KCNT2: variants seen among roughly 807,000 people sequenced by gnomAD.
The protein encoded by KCNT2 is potassium channel subfamily T member 2.
Under a neutral mutation model 153.8 loss-of-function variants are expected in KCNT2, and 67 were observed. The ratio of observed to expected loss-of-function variants is 0.44; its 90% CI spans 0.36 to 0.53. The LOEUF is 0.53. Among genes scored for constraint, KCNT2 ranks in the 20% least tolerant of loss-of-function variants. KCNT2 has a pLI of 0.00. For missense variants in KCNT2, 975 were observed against 1,354.8 expected, an observed-to-expected ratio of 0.72 and a Z score of 4.40; for synonymous variants, 500 against 458.8, an observed-to-expected ratio of 1.09 and a Z score of -1.15.
chr1:196,314,012 A>G (rs530891207), intron 21 of KCNT2, among the ~76,000 whole-genome samples: 5 of 151,642 alleles, frequency 3.3e-5, no homozygotes, highest in Non-Finnish European at 5.9e-5. Flanking sequence ...AGAGTAACAT[A>G]GCCTTTGCAC....
intron 12 of KCNT2, among the ~76,000 whole-genome samples, chr1:196,419,968 T>A (rs998979869): frequency 1.3e-5 from 2 of 152,064 alleles, no homozygotes; most frequent in African/African-American, 4.8e-5. Context: ...TTTCATAATA[T>A]TCTACCCTAG....
chr1:196,520,980 G>A (rs145651049), intron 1 of KCNT2, among the ~76,000 whole-genome samples: 20 of 152,242 alleles, frequency 1.3e-4, no homozygotes, highest in African/African-American at 4.3e-4. Flanking sequence ...CTTCTGCTCA[G>A]CAAAATAAAC....
chr1:196,501,882 G>A (rs906765379), intron 1 of KCNT2, among the ~76,000 whole-genome samples: 2 of 152,186 alleles, frequency 1.3e-5, no homozygotes, highest in Admixed American at 6.5e-5. Context: ...ACTTTGGGAG[G>A]CCAAGGCAGG....
At chr1:196,586,558 C>T (rs932590681) in intron 1 of KCNT2, among the ~76,000 whole-genome samples, 2 of 151,928 alleles carry the variant, frequency 1.3e-5, no homozygotes, top group African/African-American at 4.8e-5. Flanking sequence ...AATAAGAGTA[C>T]CTGATTTATC....
At chr1:196,238,922 A>G (rs1017897322) in intron 26 of KCNT2, among the ~76,000 whole-genome samples, 1 of 151,882 alleles carries the variant, frequency 6.6e-6, no homozygotes, top group African/African-American at 2.4e-5. Flanking sequence ...TCTATTAGCC[A>G]TGATCCTGGA....
intron 25 of KCNT2, among the ~76,000 whole-genome samples, chr1:196,268,700 C>T (rs551300975): frequency 6.6e-6 from 1 of 152,066 alleles, no homozygotes; most frequent in East Asian, 1.9e-4. Flanking sequence ...GTTTATGCTC[C>T]TTATGCATGA....
intron 1 of KCNT2, among the ~76,000 whole-genome samples, chr1:196,509,321 T>A (rs1304230105): frequency 6.9e-6 from 1 of 145,926 alleles, no homozygotes; most frequent in African/African-American, 2.5e-5. Flanking sequence ...CAAATTTAAA[T>A]ATGAAACAGA....
rs563342799 is a variant in KCNT2, at chr1:196,548,844, C to T, written c.96-56503G>A. 6.8e-3 allele frequency among the ~76,000 whole-genome samples: 1,035 copies of T among 152,058 alleles called. 5 individuals carry two copies. The highest frequency in any genetic ancestry group is 0.011 in the Non-Finnish European group (780 of 67,960). ...GCAGCCATAAAAAATGAAGAGTTCA[C>T]GTCCTTTGTAGGAACATGGATGAAA... is the stretch of plus-strand genomic sequence containing the variant. On this transcript the variant is annotated intron_variant, in intron 1 of 27. Transcript: ENST00000294725.
chr1:196,570,270 T>C (rs1410010253), intron 1 of KCNT2, among the ~76,000 whole-genome samples: 2 of 152,160 alleles, frequency 1.3e-5, no homozygotes, highest in Non-Finnish European at 2.9e-5. Context: ...TGTTGGAATT[T>C]GATATTCTTA....
chr1:196,489,763 G>C, intron 3 of KCNT2, 75 bp downstream of exon 3: 1 of 838,872 alleles, frequency 1.2e-6, no homozygotes. Context: ...TACACAACAT[G>C]CTTTAAATTT....
chr1:196,263,872 A>G (rs1400650669), intron 25 of KCNT2, among the ~76,000 whole-genome samples: 2 of 152,084 alleles, frequency 1.3e-5, no homozygotes, highest in African/African-American at 2.4e-5. Flanking sequence ...CCTTTTTATG[A>G]TACATTTTTA....
chr1:196,338,054 T>G (rs190322395), intron 16 of KCNT2, among the ~76,000 whole-genome samples: 18 of 152,096 alleles, frequency 1.2e-4, no homozygotes. Context: ...TTTGAAGACA[T>G]TAAAAATGAA....
rs557925993 is a variant in KCNT2 at position 196,347,587 on chromosome 1, T to C, written c.1404-5359A>G. Among the ~76,000 whole-genome samples the C allele has an allele frequency of 2.0e-5, 3 of 152,328 alleles. No homozygotes were observed. The South Asian group carries it at 6.2e-4, about 32-fold the overall frequency. On this transcript the variant is annotated intron_variant, in intron 14 of 27. Coordinates refer to ENST00000294725, the MANE Select transcript of KCNT2 (RefSeq NM_198503.5). ...AATTTCAAAATCTCAAATTATTTCA[T>C]GTCACTCTGCCATTGAAAATGCTAA...
At chr1:196,353,973 C>G (rs573045054) in intron 14 of KCNT2, among the ~76,000 whole-genome samples, 1 of 151,892 alleles carries the variant, frequency 6.6e-6, no homozygotes, top group African/African-American at 2.4e-5. Context: ...ATATGCTGTA[C>G]TACCCTGTTC....
chr1:196,323,104 A>G (rs1422730437), intron 19 of KCNT2, among the ~76,000 whole-genome samples: 1 of 151,986 alleles, frequency 6.6e-6, no homozygotes, highest in African/African-American at 2.4e-5. Flanking sequence ...ACTCAGTAAC[A>G]TTTAACAGAC....
intron 12 of KCNT2, among the ~76,000 whole-genome samples, chr1:196,408,731 T>C (rs538064290): frequency 6.6e-6 from 1 of 151,680 alleles, no homozygotes; most frequent in African/African-American, 2.4e-5. Context: ...TTAATTCAAT[T>C]ATAATCAGAT....
intron 14 of KCNT2, among the ~76,000 whole-genome samples, chr1:196,363,688 G>T (rs1230441006): frequency 6.6e-6 from 1 of 152,068 alleles, no homozygotes; most frequent in Non-Finnish European, 1.5e-5. Context: ...CTTCTGCCAT[G>T]GGATGACACA....
rs1677641278 is a variant in KCNT2 at position 196,466,637 on chromosome 1, C to T, written c.543+1066G>A. Among the ~76,000 whole-genome samples the T allele has an allele frequency of 2.0e-5, 3 of 151,908 alleles. 1 individual carries two copies. The highest frequency in any genetic ancestry group is 7.3e-5 in the African/African-American group (3 of 41,366). On this transcript the variant is annotated intron_variant, in intron 7 of 27. Transcript: ENST00000294725. Reference sequence around the variant, plus strand: ...CATATTATGCATATGTATCTGTGTACATTTTGTATATATGTATGTATATAT... The same window carrying T: ...CATATTATGCATATGTATCTGTGTATATTTTGTATATATGTATGTATATAT...
At chr1:196,349,051 G>A (rs1666390388) in intron 14 of KCNT2, among the ~76,000 whole-genome samples, 1 of 152,046 alleles carries the variant, frequency 6.6e-6, no homozygotes, top group Non-Finnish European at 1.5e-5. Flanking sequence ...CCAGTCAAGA[G>A]AGCCTTAGAA....
Sources: gnomAD v4.1 joint callset for allele counts (sites outside exome capture counted in the v4.1 genomes callset) on GRCh38, gnomAD v4.1.1 for gene constraint, MANE v1.5 for transcripts, NCBI Gene and HGNC (gene_info 2026-07-23, HGNC 2026-07-21) for gene names.